MSTN: variants seen among roughly 807,000 people sequenced by gnomAD.
The protein encoded by MSTN is myostatin, also known as growth/differentiation factor 8.
A neutral mutation model predicts 32.3 loss-of-function variants in MSTN; 12 were observed. That is an observed-to-expected ratio of 0.37 (90% confidence interval 0.24 to 0.60). The LOEUF is 0.60. Ranked by LOEUF, MSTN falls within the 20% of genes least tolerant of loss-of-function variation. The pLI, the probability that MSTN is intolerant of heterozygous loss-of-function variation, is 0.67. For synonymous variants in MSTN, 168 were observed against 155.1 expected (o/e 1.08, Z -0.62); for missense variants, 403 against 450.3 (o/e 0.89, Z 0.95).
chr2:190,057,537 A>G lies in MSTN; in HGVS notation c.849T>C (p.Arg283=). 1 of 1,613,556 alleles carries G rather than the reference A, an allele frequency of 6.2e-7. No individual in the cohort carries two copies. The highest frequency in any genetic ancestry group is 8.5e-7 in the Non-Finnish European group (1 of 1,179,596). ...CTTCAAAATCCACAGTTAGAGGGTAACGACAGCATCGTGATTCTGTTGAGT... is the reference window on the plus strand; with the variant it reads ...CTTCAAAATCCACAGTTAGAGGGTAGCGACAGCATCGTGATTCTGTTGAGT... ...DEHSTESRCC[R]YPLTVDFEAF... Residue 283 remains arginine (R), a synonymous_variant, in exon 3 of 3, where the codon CGT becomes CGC. Coordinates refer to ENST00000260950, the MANE Select transcript of MSTN (RefSeq NM_005259.3).
At position 190,056,878 on chromosome 2, in the gene MSTN, A is replaced by G. The variant is rs1485070912; in HGVS notation, c.*380T>C. 4.4e-6 allele frequency: 1 copy of G among 227,124 alleles called. No homozygotes were observed. 14.1% of individuals were successfully genotyped at this position (227,124 alleles called of 1,614,324 possible). ...CAATCCTGCATTTTACCAATACTGTATGTGGATTTTTCTGTAAATATTAAA... is the reference window on the plus strand; with the variant it reads ...CAATCCTGCATTTTACCAATACTGTGTGTGGATTTTTCTGTAAATATTAAA... On this transcript the variant is annotated 3_prime_UTR_variant, in exon 3 of 3. Transcript: ENST00000260950.
In MSTN at chr2:190,060,349, C is replaced by T. The variant is rs765715434; in HGVS notation, c.460G>A (p.Ala154Thr). Residue 154 changes from alanine to threonine, a missense_variant, in exon 2 of 3, where the codon GCC becomes ACC. Coordinates refer to ENST00000260950, the MANE Select transcript of MSTN (RefSeq NM_005259.3). ...SKIQYNKVVK[A>T]QLWIYLRPVE... ...GGTCTCAAATATATCCATAGTTGGG[C>T]CTTTACTACTTTATTGTATTGTATT... 4.7e-5 allele frequency: 75 copies of T among 1,612,310 alleles called. No homozygotes were observed. Among genetic ancestry groups the T allele is most frequent in the Admixed American group, 3.5e-4 (21 of 59,834 alleles).
rs1685554669 is a variant in MSTN, at chr2:190,060,254, C to G, written c.555G>C (p.Arg185Ser). The change falls in exon 2 of 3, where the codon AGG (arginine) becomes AGC (serine). Residue 185 changes from arginine to serine, a missense_variant. Arg to Ser is a moderately radical substitution (Grantham distance 110). Coordinates refer to ENST00000260950, the MANE Select transcript of MSTN (RefSeq NM_005259.3). Reference protein sequence around the residue: ...RLIKPMKDGTRYTGIRSLKLD... With the variant: ...RLIKPMKDGTSYTGIRSLKLD... ...GTTTCAGAGATCGGATTCCAGTATA[C>G]CTTGTACCGTCTTTCATAGGTTTGA... The G allele has an allele frequency of 6.2e-7, 1 of 1,612,998 alleles. No individual in the cohort carries two copies. The highest frequency in any genetic ancestry group is 8.5e-7 in the Non-Finnish European group (1 of 1,179,298).
intron 1 of MSTN, 65 bp from the exon 2 acceptor site, chr2:190,060,500 T>A: frequency 7.0e-7 from 1 of 1,428,722 alleles, no homozygotes; most frequent in Non-Finnish European, 9.6e-7. Flanking sequence ...CCCTCCATAT[T>A]AATAGTTGAG....
At position 190,056,727 on chromosome 2, in the gene MSTN, T is replaced by C. The variant is rs1031722374; in HGVS notation, c.*531A>G. 1 of 157,882 alleles carries C rather than the reference T, an allele frequency of 6.3e-6. No homozygotes were observed. Among genetic ancestry groups the C allele is most frequent in the Non-Finnish European group, 1.4e-5 (1 of 71,178 alleles). The allele number at this position is 157,882 out of a possible 1,614,324, so 9.8% of individuals were successfully genotyped here. A position where few individuals can be genotyped will look rare whatever the true frequency, so the allele number is the denominator to read the frequency against. On this transcript the variant is annotated 3_prime_UTR_variant, in exon 3 of 3. Transcript: ENST00000260950. Reference sequence around the variant, plus strand: ...ATGGATTGTTAATGTACTGTGTCAATTATAATAGGAATGGAAATTGCATAT... The same window carrying C: ...ATGGATTGTTAATGTACTGTGTCAACTATAATAGGAATGGAAATTGCATAT...
At position 190,056,731 on chromosome 2, in the gene MSTN, A is replaced by G. The variant is rs1685439664; in HGVS notation, c.*527T>C. ...ATTGTTAATGTACTGTGTCAATTAT[A>G]ATAGGAATGGAAATTGCATATGCTG... On this transcript the variant is annotated 3_prime_UTR_variant, in exon 3 of 3. Coordinates refer to ENST00000260950, the MANE Select transcript of MSTN (RefSeq NM_005259.3). The G allele has an allele frequency of 6.3e-6, 1 of 157,794 alleles. No individual in the cohort carries two copies. The highest frequency in any genetic ancestry group is 1.4e-5 in the Non-Finnish European group (1 of 71,148). 9.8% of individuals were successfully genotyped at this position (157,794 alleles called of 1,614,324 possible). A position where few individuals can be genotyped will look rare whatever the true frequency, so the allele number is the denominator to read the frequency against.
chr2:190,060,065 C>T lies in MSTN; in HGVS notation c.744G>A (p.Gly248=), dbSNP rs1219544386. ...AVTFPGPGED[G]LNPFLEVKVT... is the part of the protein sequence containing the mutation. ...GTTATTTTCAGTTATCACTTACCAG[C>T]CCATCTTCTCCTGGTCCTGGGAAGG... Residue 248 remains glycine (G), a synonymous_variant, in exon 2 of 3, where the codon GGG becomes GGA. Coordinates refer to ENST00000260950, the MANE Select transcript of MSTN (RefSeq NM_005259.3). 1 of 1,611,844 alleles carries T rather than the reference C, an allele frequency of 6.2e-7. No individual in the cohort carries two copies. Among genetic ancestry groups the T allele is most frequent in the Non-Finnish European group, 8.5e-7 (1 of 1,178,464 alleles).
chr2:190,062,616 TC>T lies in MSTN; in HGVS notation c.-21del. On this transcript the variant is annotated 5_prime_UTR_variant, in exon 1 of 3. Coordinates refer to ENST00000260950, the MANE Select transcript of MSTN (RefSeq NM_005259.3). ...TTGCATGATTTTAAAATCAATATAA[TC>T]TTTTTTCTTGTTCTTGTTTCTTCCT... 1 of 1,606,712 alleles carries T rather than the reference TC, an allele frequency of 6.2e-7. No individual in the cohort carries two copies. The highest frequency in any genetic ancestry group is 8.5e-7 in the Non-Finnish European group (1 of 1,176,338).
At position 190,058,183 on chromosome 2, in the gene MSTN, C is replaced by T. The variant is rs187012519; in HGVS notation, c.748-545G>A. The stretch of plus-strand genomic sequence containing the variant: ...TCAGAAGAAGAGACGATGATATTTC[C>T]TTTATTCTTTCACTGGAAAATGTTT... On this transcript the variant is annotated intron_variant, in intron 2 of 2. Transcript: ENST00000260950. 2.9e-4 allele frequency among the ~76,000 whole-genome samples: 44 copies of T among 152,060 alleles called. No individual in the cohort carries two copies. In the East Asian group the frequency reaches 4.1e-3, roughly 14 times the overall value.
chr2:190,060,718 C>T lies in MSTN; in HGVS notation c.374-283G>A, dbSNP rs151205793. On this transcript the variant is annotated intron_variant, in intron 1 of 2. Coordinates refer to ENST00000260950, the MANE Select transcript of MSTN (RefSeq NM_005259.3). The stretch of plus-strand genomic sequence containing the variant: ...AAGGAAGGTTCTATGAAGTAATGAA[C>T]GCTGAATGAAATTTTAAAATGATGA... 3.9e-3 allele frequency among the ~76,000 whole-genome samples: 598 copies of T among 151,972 alleles called. 7 individuals are homozygous for T. The highest frequency in any genetic ancestry group is 0.014 in the African/African-American group (565 of 41,466).
Position 190,057,566 on chromosome 2 carries a change from C to T in MSTN, c.820G>A (p.Glu274Lys), listed in dbSNP as rs146162833. 4.3e-6 allele frequency: 7 copies of T among 1,613,422 alleles called. No individual in the cohort carries two copies. The highest frequency in any genetic ancestry group is 5.9e-6 in the Non-Finnish European group (7 of 1,179,592). ...SRRDFGLDCD[E>K]HSTESRCCRY... ...CAGCATCGTGATTCTGTTGAGTGCTCATCACAGTCAAGACCAAAATCCCTT... is the reference window on the plus strand; with the variant it reads ...CAGCATCGTGATTCTGTTGAGTGCTTATCACAGTCAAGACCAAAATCCCTT... The change falls in exon 3 of 3, where the codon GAG (glutamate) becomes AAG (lysine). Residue 274 changes from glutamate (E) to lysine (K), a missense_variant. Coordinates refer to ENST00000260950, the MANE Select transcript of MSTN (RefSeq NM_005259.3).
chr2:190,060,565 C>A, intron 1 of MSTN, 130 bp from the exon 2 acceptor site: 1 of 783,722 alleles, frequency 1.3e-6, no homozygotes, highest in Non-Finnish European at 2.0e-6. Context: ...AATGAAATAC[C>A]GTGTGGAACT....
chr2:190,062,172 A>C (rs1386018262), intron 1 of MSTN, 52 bp downstream of exon 1: 1 of 1,598,860 alleles, frequency 6.3e-7, no homozygotes, highest in Non-Finnish European at 8.6e-7. Context: ...TCTCATAAAC[A>C]CTAGAACAAC....
chr2:190,057,538 C>A lies in MSTN; in HGVS notation c.848G>T (p.Arg283Leu). Residue 283 changes from arginine to leucine, a missense_variant, in exon 3 of 3, where the codon CGT becomes CTT. Physicochemically the swap from Arg to Leu is moderately radical, Grantham distance 102. Coordinates refer to ENST00000260950, the MANE Select transcript of MSTN (RefSeq NM_005259.3). ...TTCAAAATCCACAGTTAGAGGGTAACGACAGCATCGTGATTCTGTTGAGTG... is the reference window on the plus strand; with the variant it reads ...TTCAAAATCCACAGTTAGAGGGTAAAGACAGCATCGTGATTCTGTTGAGTG... ...DEHSTESRCC[R>L]YPLTVDFEAF... 1 of 1,613,482 alleles carries A rather than the reference C, an allele frequency of 6.2e-7. No individual in the cohort carries two copies. Among genetic ancestry groups the A allele is most frequent in the South Asian group, 1.1e-5 (1 of 91,054 alleles).
At chr2:190,057,976 AGAG>A (rs1264839124) in intron 2 of MSTN, among the ~76,000 whole-genome samples, 2 of 151,982 alleles carry the variant, frequency 1.3e-5, no homozygotes, top group Non-Finnish European at 2.9e-5. Context: ...AAGGAGAGAG[AGAG>A]GAGAAGAAGA....
chr2:190,060,105 T>C lies in MSTN; in HGVS notation c.704A>G (p.His235Arg), dbSNP rs1176249126. 2.5e-6 allele frequency: 4 copies of C among 1,612,874 alleles called. No individual in the cohort carries two copies. The South Asian group carries it at 3.3e-5, about 13-fold the overall frequency. The change falls in exon 2 of 3, where the codon CAT (histidine) becomes CGT (arginine). Residue 235 changes from histidine (H) to arginine (R), a missense_variant. Physicochemically the swap from His to Arg is conservative, Grantham distance 29. Coordinates refer to ENST00000260950, the MANE Select transcript of MSTN (RefSeq NM_005259.3). Reference sequence around the variant, plus strand: ...TCCTGGGAAGGTTACAGCAAGATCATGACCATTCTCATCTAAAGCTTTTAT... The same window carrying C: ...TCCTGGGAAGGTTACAGCAAGATCACGACCATTCTCATCTAAAGCTTTTAT... ...IEIKALDENG[H>R]DLAVTFPGPG...
intron 1 of MSTN, 89 bp from the exon 2 acceptor site, chr2:190,060,524 T>C: frequency 8.7e-7 from 1 of 1,146,324 alleles, no homozygotes; most frequent in Admixed American, 2.3e-5. Context: ...TTTTTTAAAT[T>C]AAGATAATGT....
In MSTN at chr2:190,057,658, C is replaced by A; in HGVS notation, c.748-20G>T. The A allele has an allele frequency of 6.2e-7, 1 of 1,612,142 alleles. No homozygotes were observed. Among genetic ancestry groups the A allele is most frequent in the Non-Finnish European group, 8.5e-7 (1 of 1,178,560 alleles). On this transcript the variant is annotated intron_variant, in intron 2 of 2. Coordinates refer to ENST00000260950, the MANE Select transcript of MSTN (RefSeq NM_005259.3). ...CGGATTCTGTTTGAAAAGGAAAGAA[C>A]AATCAGTAATATCAATAGGCCTGGA...
At position 190,060,110 on chromosome 2, in the gene MSTN, A is replaced by G. The variant is rs373630758; in HGVS notation, c.699T>C (p.Asn233=). Residue 233 remains asparagine (N), a synonymous_variant, in exon 2 of 3, where the codon AAT becomes AAC. Transcript: ENST00000260950. The part of the protein sequence containing the change: ...LGIEIKALDE[N]GHDLAVTFPG... ...GGAAGGTTACAGCAAGATCATGACC[A>G]TTCTCATCTAAAGCTTTTATTTCAA... 6 of 1,612,618 alleles carry G rather than the reference A, an allele frequency of 3.7e-6. No homozygotes were observed. In the African/African-American group the frequency reaches 6.7e-5, roughly 18 times the overall value.
Sources: allele counts gnomAD v4.1 joint callset (sites outside exome capture counted in the v4.1 genomes callset), GRCh38; gene constraint gnomAD v4.1.1; transcripts MANE v1.5; gene names NCBI Gene and HGNC (gene_info 2026-07-23, HGNC 2026-07-21).